GSPT1: variants seen among roughly 807,000 people sequenced by gnomAD.
The protein encoded by GSPT1 is eukaryotic peptide chain release factor GTP-binding subunit ERF3A.
GSPT1 carries 20 observed loss-of-function variants against 72.5 expected under a neutral mutation model. That is an observed-to-expected ratio of 0.28 (90% CI 0.19 to 0.40). The LOEUF is 0.40. GSPT1 is among the 10% of genes least tolerant of loss of function. The pLI, the probability that GSPT1 is intolerant of heterozygous loss-of-function variation, is 1.00. For missense variants in GSPT1, 580 were observed against 811.9 expected (o/e 0.71, Z 3.47); for synonymous variants, 334 against 293.5 (o/e 1.14, Z -1.41).
chr16:11,893,705 T>C (rs2054298996), intron 5 of GSPT1, among the ~76,000 whole-genome samples: 1 of 152,056 alleles, frequency 6.6e-6, no homozygotes. Flanking sequence ...CCACCAAAAC[T>C]TACAGCCCAT....
At chr16:11,902,371 T>C (rs2054419558) in intron 1 of GSPT1, among the ~76,000 whole-genome samples, 1 of 131,880 alleles carries the variant, frequency 7.6e-6, no homozygotes, top group African/African-American at 3.0e-5. Context: ...GACACGACTC[T>C]GTCTCAAAAA....
At chr16:11,913,931 T>G (rs2054592187) in intron 1 of GSPT1, among the ~76,000 whole-genome samples, 1 of 152,214 alleles carries the variant, frequency 6.6e-6, no homozygotes, top group African/African-American at 2.4e-5. Context: ...CTGACGTACA[T>G]ACGTCATCAG....
chr16:11,887,622 C>G lies in GSPT1; in HGVS notation c.905G>C (p.Ser302Thr). The part of the protein sequence containing the change: ...FTILDAPGHK[S>T]FVPNMIGGAS... ...ACCACCAATCATATTTGGGACAAAA[C>G]TCTTGTGGCCAGGGGCATCTAGAAT... Residue 302 changes from serine (S) to threonine (T), a missense_variant, in exon 7 of 15, where the codon AGT (serine) becomes ACT (threonine). By Grantham distance (58) the Ser-to-Thr change is moderately conservative (BLOSUM62 1). Transcript: ENST00000434724. The G allele has an allele frequency of 6.2e-7, 1 of 1,614,018 alleles. No homozygotes were observed. The highest frequency in any genetic ancestry group is 8.5e-7 in the Non-Finnish European group (1 of 1,179,938).
Position 11,871,603 on chromosome 16 carries a change from G to A in GSPT1, c.*1516C>T, listed in dbSNP as rs1273136357. Reference sequence around the variant, plus strand: ...AAACACCCATTAGATTAAGTTTTATGTTCTGTGACTGGAAATACAGTCTGT... The same window carrying A: ...AAACACCCATTAGATTAAGTTTTATATTCTGTGACTGGAAATACAGTCTGT... On this transcript the variant is annotated 3_prime_UTR_variant, in exon 15 of 15. Transcript: ENST00000434724. The A allele has an allele frequency of 6.6e-6, 1 of 152,120 alleles. No individual in the cohort carries two copies. The highest frequency in any genetic ancestry group is 2.4e-5 in the African/African-American group (1 of 41,426). 9.4% of individuals were successfully genotyped at this position (152,120 alleles called of 1,614,324 possible).
intron 1 of GSPT1, among the ~76,000 whole-genome samples, chr16:11,902,906 GGT>G (rs2054433247): frequency 6.6e-6 from 1 of 151,564 alleles, no homozygotes; most frequent in Non-Finnish European, 1.5e-5. Context: ...TTATAGAGAT[GGT>G]GTTTCAATAG....
rs2053939802 is a variant in GSPT1 at position 11,868,221 on chromosome 16, C to G, written c.*4898G>C. ...GCAAGAGCAGACTAAGGGCTTAATC[C>G]TCACACAGGCACCAAGTCAGGCACA... is the stretch of plus-strand genomic sequence containing the variant. On this transcript the variant is annotated 3_prime_UTR_variant, in exon 15 of 15. Coordinates refer to ENST00000434724, the MANE Select transcript of GSPT1 (RefSeq NM_002094.4). 6.6e-6 allele frequency: 1 copy of G among 152,116 alleles called. No homozygotes were observed. The highest frequency in any genetic ancestry group is 1.5e-5 in the Non-Finnish European group (1 of 68,020). The allele number at this position is 152,116 out of a possible 1,614,324, so 9.4% of individuals were successfully genotyped here. A position where few individuals can be genotyped will look rare whatever the true frequency, so the allele number is the denominator to read the frequency against.
chr16:11,886,978 C>A (rs139123396), intron 7 of GSPT1, 47 bp from the exon 8 acceptor site: 23 of 1,441,448 alleles, frequency 1.6e-5, no homozygotes, highest in Non-Finnish European at 2.1e-5. Flanking sequence ...TTCAGGCATA[C>A]CCTTATGGCA....
intron 6 of GSPT1, among the ~76,000 whole-genome samples, chr16:11,889,708 G>C (rs1275201293): frequency 6.6e-6 from 1 of 151,650 alleles, no homozygotes; most frequent in Non-Finnish European, 1.5e-5. Flanking sequence ...GTTTCTCCAT[G>C]TTGGTCAGGC....
At chr16:11,885,100 A>T in intron 10 of GSPT1, 81 bp downstream of exon 10, 1 of 709,764 alleles carries the variant, frequency 1.4e-6, no homozygotes. Context: ...GAAAAGAAAA[A>T]AAGTTTTCAA....
At chr16:11,903,824 A>G (rs1389500494) in intron 1 of GSPT1, 1 of 152,306 alleles carries the variant, frequency 6.6e-6, no homozygotes, top group South Asian at 2.1e-4. Flanking sequence ...TATCAAGACG[A>G]ACTATTAGCC....
intron 10 of GSPT1, 67 bp from the exon 11 acceptor site, chr16:11,883,162 A>C: frequency 2.1e-6 from 2 of 942,010 alleles, no homozygotes; most frequent in Non-Finnish European, 3.5e-6. Context: ...CAATAGCCCA[A>C]AGTGAAATTC....
Position 11,869,056 on chromosome 16 carries a change from T to A in GSPT1, c.*4063A>T, listed in dbSNP as rs922164508. On this transcript the variant is annotated 3_prime_UTR_variant, in exon 15 of 15. Coordinates refer to ENST00000434724, the MANE Select transcript of GSPT1 (RefSeq NM_002094.4). ...TTTATTGAAGGGAAGACTCAGTAAG[T>A]TCTAGGATATTAAAGTCAAGAATAT... The A allele has an allele frequency of 4.6e-5, 7 of 152,232 alleles. No homozygotes were observed. Among genetic ancestry groups the A allele is most frequent in the African/African-American group, 1.4e-4 (6 of 41,452 alleles). The allele number at this position is 152,232 out of a possible 1,614,324, so 9.4% of individuals were successfully genotyped here.
chr16:11,915,142 G>A, intron 1 of GSPT1: 10 of 1,050,032 alleles, frequency 9.5e-6, no homozygotes, highest in Non-Finnish European at 1.2e-5. Flanking sequence ...CTCGGGTCCG[G>A]GTCTTTGGGC....
chr16:11,891,664 A>ATT (rs766124475), intron 5 of GSPT1, among the ~76,000 whole-genome samples: 7 of 124,526 alleles, frequency 5.6e-5, no homozygotes, highest in African/African-American at 1.5e-4. Context: ...GCCTGGCCAT[A>ATT]TTTTTTTTTT....
Position 11,878,642 on chromosome 16 carries a change from G to A in GSPT1, c.1429-1062C>T, listed in dbSNP as rs530078494. 2.6e-5 allele frequency among the ~76,000 whole-genome samples: 4 copies of A among 151,656 alleles called. No individual in the cohort carries two copies. In the East Asian group the frequency reaches 5.8e-4, roughly 22 times the overall value. ...TTTAATGTAAAAATAAAATAGTTAT[G>A]GAGCCTCCAGTTCTGATGCCAGTAT... On this transcript the variant is annotated intron_variant, in intron 11 of 14. Transcript: ENST00000434724.
At chr16:11,901,783 C>T (rs149557762) in intron 1 of GSPT1, among the ~76,000 whole-genome samples, 1 of 150,308 alleles carries the variant, frequency 6.7e-6, no homozygotes, top group East Asian at 2.0e-4. Flanking sequence ...AAGAGTGAGA[C>T]CCTGTCTCAA....
chr16:11,896,025 A>G (rs183965848), intron 4 of GSPT1, among the ~76,000 whole-genome samples: 51 of 152,336 alleles, frequency 3.3e-4, no homozygotes, highest in African/African-American at 1.2e-3. Context: ...AAGACACATA[A>G]TTCTGTATTT....
At chr16:11,905,113 T>C (rs1457087667) in intron 1 of GSPT1, among the ~76,000 whole-genome samples, 1 of 152,184 alleles carries the variant, frequency 6.6e-6, no homozygotes, top group Non-Finnish European at 1.5e-5. Context: ...AACTGTAGTT[T>C]TGTTAGCCAA....
chr16:11,888,605 T>C (rs1256276245), intron 6 of GSPT1, among the ~76,000 whole-genome samples: 1 of 151,122 alleles, frequency 6.6e-6, no homozygotes, highest in East Asian at 2.0e-4. Context: ...CTACTAAAAA[T>C]ACAAAAATTA....
Sources: allele counts gnomAD v4.1 joint callset (sites outside exome capture counted in the v4.1 genomes callset), GRCh38; gene constraint gnomAD v4.1.1; transcripts MANE v1.5; gene names NCBI Gene and HGNC (gene_info 2026-07-23, HGNC 2026-07-21).